NBEA: variants seen among roughly 807,000 people sequenced by gnomAD.
NBEA encodes neurobeachin.
In NBEA, 44 loss-of-function variants were observed where a neutral mutation model predicts 343.4. The observed-to-expected ratio is 0.13, with a 90% CI of 0.10 to 0.16. The LOEUF (loss-of-function observed/expected upper bound fraction) is 0.16. Ranked by LOEUF, NBEA falls within the 10% of genes least tolerant of loss-of-function variation. NBEA has a pLI of 1.00. For synonymous variants in NBEA, 1,175 were observed against 1,238.7 expected, an observed-to-expected ratio of 0.95 and a Z score of 1.08; for missense variants, 2,555 against 3,631.3, an observed-to-expected ratio of 0.70 and a Z score of 7.62.
At chr13:35,093,142 A>G (rs1485628703) in intron 10 of NBEA, among the ~76,000 whole-genome samples, 1 of 152,016 alleles carries the variant, frequency 6.6e-6, no homozygotes, top group Non-Finnish European at 1.5e-5. Flanking sequence ...ATATGTAGTG[A>G]TAGAGAAAAG....
chr13:35,036,712 T>C (rs1455296754), intron 1 of NBEA, among the ~76,000 whole-genome samples: 1 of 152,140 alleles, frequency 6.6e-6, no homozygotes, highest in Non-Finnish European at 1.5e-5. Context: ...GCAATTTAAA[T>C]ATGTCATGCC....
intron 30 of NBEA, among the ~76,000 whole-genome samples, chr13:35,188,803 A>G (rs2071931443): frequency 6.6e-6 from 1 of 151,736 alleles, no homozygotes; most frequent in African/African-American, 2.4e-5. Context: ...GAAGAATCTC[A>G]ATACCATTTT....
intron 53 of NBEA, among the ~76,000 whole-genome samples, chr13:35,652,768 C>T (rs2084615656): frequency 8.0e-6 from 1 of 124,654 alleles, no homozygotes; most frequent in African/African-American, 3.0e-5. Context: ...GATCTCGGCT[C>T]ACTGCAACCT....
intron 28 of NBEA, among the ~76,000 whole-genome samples, chr13:35,177,993 T>C (rs2071035501): frequency 6.6e-6 from 1 of 151,712 alleles, no homozygotes; most frequent in Admixed American, 6.6e-5. Flanking sequence ...ATATTAGTTA[T>C]AAAATGCTAG....
chr13:35,406,774 C>G (rs1328823909), intron 38 of NBEA, among the ~76,000 whole-genome samples: 1 of 152,054 alleles, frequency 6.6e-6, no homozygotes, highest in African/African-American at 2.4e-5. Flanking sequence ...TGTCTGAACA[C>G]TCAATTGTTA....
In NBEA at chr13:34,968,314, C is replaced by G. The variant is rs11842350; in HGVS notation, c.294+25200C>G. Among the ~76,000 whole-genome samples, 610 of 152,172 alleles carry G rather than the reference C, an allele frequency of 4.0e-3. 1 individual carries two copies. The highest frequency in any genetic ancestry group is 7.3e-3 in the Non-Finnish European group (495 of 67,980). On this transcript the variant is annotated intron_variant, in intron 1 of 58. Transcript: ENST00000379939. ...CTGATTTATGGGCCACGTAATTGAA[C>G]TCAAGTACCAGCCTTATATTCACTT... is the stretch of plus-strand genomic sequence containing the variant.
At chr13:35,136,954 T>A (rs867751712) in intron 17 of NBEA, among the ~76,000 whole-genome samples, 1 of 152,230 alleles carries the variant, frequency 6.6e-6, no homozygotes, top group Admixed American at 6.5e-5. Flanking sequence ...GAAAATAATT[T>A]AAGTGTTTTA....
Position 35,601,106 on chromosome 13 carries a change from G to C in NBEA, c.7297-5320G>C, listed in dbSNP as rs1332437189. ...GCTCAAGAATCGCTTGAACCTGGGAGGCAGAGGTTGTAGTGAGCCGAGATG... is the reference window on the plus strand; with the variant it reads ...GCTCAAGAATCGCTTGAACCTGGGACGCAGAGGTTGTAGTGAGCCGAGATG... On this transcript the variant is annotated intron_variant, in intron 47 of 58. Transcript: ENST00000379939. Among the ~76,000 whole-genome samples, 3 of 151,892 alleles carry C rather than the reference G, an allele frequency of 2.0e-5. No individual in the cohort carries two copies. The East Asian group carries it at 5.8e-4, about 30-fold the overall frequency.
chr13:35,475,675 G>A (rs760329379), intron 41 of NBEA: 140 of 1,613,682 alleles, frequency 8.7e-5, no homozygotes, highest in Non-Finnish European at 1.1e-4. Flanking sequence ...CACTTCGCTG[G>A]TGTCTGCCAC....
chr13:35,428,948 C>G (rs182287281), intron 38 of NBEA, among the ~76,000 whole-genome samples: 1 of 152,260 alleles, frequency 6.6e-6, no homozygotes, highest in Admixed American at 6.5e-5. Context: ...CCATTGAAAC[C>G]CAGTGAGTCG....
At chr13:35,073,266 A>G (rs1318581570) in intron 10 of NBEA, among the ~76,000 whole-genome samples, 1 of 152,198 alleles carries the variant, frequency 6.6e-6, no homozygotes, top group Non-Finnish European at 1.5e-5. Context: ...ACCTTGAAAT[A>G]GGATTTATCA....
chr13:35,263,408 T>G (rs1243840231), intron 34 of NBEA, among the ~76,000 whole-genome samples: 1 of 152,162 alleles, frequency 6.6e-6, no homozygotes, highest in Non-Finnish European at 1.5e-5. Context: ...ACATTGGACT[T>G]AAACTGTACT....
At chr13:35,533,380 G>A (rs1026244986) in intron 41 of NBEA, among the ~76,000 whole-genome samples, 6 of 152,034 alleles carry the variant, frequency 3.9e-5, no homozygotes, top group African/African-American at 1.4e-4. Flanking sequence ...TCTCATGCAT[G>A]TTATTTTTCC....
At chr13:35,078,721 C>G (rs189252222) in intron 10 of NBEA, among the ~76,000 whole-genome samples, 1 of 152,102 alleles carries the variant, frequency 6.6e-6, no homozygotes, top group Non-Finnish European at 1.5e-5. Flanking sequence ...AAAAGTATTA[C>G]GGTGCACAGG....
At chr13:35,579,207 T>G (rs75265876) in intron 45 of NBEA, among the ~76,000 whole-genome samples, 7,752 of 152,094 alleles carry the variant, frequency 0.051, 383 homozygotes, top group East Asian at 0.24. Context: ...CTTGACAAAC[T>G]TTTTTTTCTT....
Position 34,944,544 on chromosome 13 carries a change from G to C in NBEA, c.294+1430G>C, listed in dbSNP as rs915346909. 1.2e-3 allele frequency among the ~76,000 whole-genome samples: 189 copies of C among 152,266 alleles called. 3 individuals carry two copies. The East Asian group carries it at 0.033, about 26-fold the overall frequency. The stretch of plus-strand genomic sequence containing the variant: ...AAATAAATCATCATGAAAAGTCAGT[G>C]TAAGTTTGAGGGAATGTCACTAAGT... On this transcript the variant is annotated intron_variant, in intron 1 of 58. Coordinates refer to ENST00000379939, the MANE Select transcript of NBEA (RefSeq NM_001385012.1).
chr13:35,386,923 TC>T (rs948722819), intron 38 of NBEA, among the ~76,000 whole-genome samples: 2 of 152,128 alleles, frequency 1.3e-5, no homozygotes, highest in Non-Finnish European at 2.9e-5. Context: ...GACAGGCTGC[TC>T]CCCAGTAATG....
At chr13:35,047,570 T>C (rs747066267) in intron 4 of NBEA, among the ~76,000 whole-genome samples, 4 of 151,900 alleles carry the variant, frequency 2.6e-5, no homozygotes, top group Admixed American at 1.3e-4. Context: ...CAACATGATG[T>C]ATAGGAAGAG....
At chr13:35,442,848 T>C (rs1442866589) in intron 39 of NBEA, among the ~76,000 whole-genome samples, 3 of 152,128 alleles carry the variant, frequency 2.0e-5, no homozygotes, top group Admixed American at 6.6e-5. Flanking sequence ...TTCCACCTCT[T>C]GCTCTAATAA....
Sources: gnomAD v4.1 joint callset for allele counts (sites outside exome capture counted in the v4.1 genomes callset) on GRCh38, gnomAD v4.1.1 for gene constraint, MANE v1.5 for transcripts, NCBI Gene and HGNC (gene_info 2026-07-23, HGNC 2026-07-21) for gene names.